Variants in UBE2D3 observed in about 807,000 individuals in gnomAD.
The protein encoded by UBE2D3 is ubiquitin-conjugating enzyme E2 D3.
In UBE2D3, 2 loss-of-function variants were observed where a neutral mutation model predicts 22.8. That is an observed-to-expected ratio of 0.09 (90% CI 0.04 to 0.28). The LOEUF (loss-of-function observed/expected upper bound fraction) is 0.28. Among genes scored for constraint, UBE2D3 ranks in the 10% least tolerant of loss-of-function variants. The probability of loss-of-function intolerance (pLI) is 1.00; values close to 1 mark genes in which losing one functional copy is unlikely to be tolerated. For missense variants in UBE2D3, 27 were observed against 182.5 expected, an observed-to-expected ratio of 0.15 and a Z score of 4.91; for synonymous variants, 56 against 60.4, an observed-to-expected ratio of 0.93 and a Z score of 0.34.
At chr4:102,863,247 C>T (rs917218175) in intron 1 of UBE2D3, among the ~76,000 whole-genome samples, 20 of 152,122 alleles carry the variant, frequency 1.3e-4, no homozygotes, top group African/African-American at 4.6e-4. Flanking sequence ...GATGGGGTTT[C>T]ACTATGTTGG....
At chr4:102,830,128 A>G (rs1262116662), upstream of UBE2D3, among the ~76,000 whole-genome samples, 1 of 152,252 alleles carries the variant, frequency 6.6e-6, no homozygotes, top group Non-Finnish European at 1.5e-5. Context: ...TTAAAATCAA[A>G]AGAAACATAG....
chr4:102,861,757 T>C (rs952427651), intron 1 of UBE2D3, among the ~76,000 whole-genome samples: 1 of 152,100 alleles, frequency 6.6e-6, no homozygotes, highest in Non-Finnish European at 1.5e-5. Context: ...TATGCACATA[T>C]GCATATACAA....
At chr4:102,848,808 G>C (rs1732179630) in intron 1 of UBE2D3, among the ~76,000 whole-genome samples, 1 of 151,926 alleles carries the variant, frequency 6.6e-6, no homozygotes, top group Non-Finnish European at 1.5e-5. Flanking sequence ...AATAGAGTGA[G>C]ACCTTGTCTC....
intron 1 of UBE2D3, among the ~76,000 whole-genome samples, chr4:102,851,509 A>C (rs1732347087): frequency 6.6e-6 from 1 of 152,232 alleles, no homozygotes; most frequent in Admixed American, 6.5e-5. Context: ...TGCATGTGTA[A>C]TGCAGAAGTA....
rs1184437574 is a variant in UBE2D3 at position 102,795,958 on chromosome 4, T to C, written c.*1457A>G. The C allele has an allele frequency of 2.0e-5, 3 of 152,482 alleles. No homozygotes were observed. Among genetic ancestry groups the C allele is most frequent in the Non-Finnish European group, 4.4e-5 (3 of 67,928 alleles). The allele number at this position is 152,482 out of a possible 1,614,324, so 9.4% of individuals were successfully genotyped here. On this transcript the variant is annotated 3_prime_UTR_variant, in exon 8 of 8. Coordinates refer to ENST00000453744, the MANE Select transcript of UBE2D3 (RefSeq NM_181891.3). ...GTTAAATCAGTGGCACAGATAGCAC[T>C]TGTCAAACAAAAAACAATCCAATAG...
chr4:102,813,374 A>G (rs1160189104), intron 2 of UBE2D3, among the ~76,000 whole-genome samples: 1 of 152,224 alleles, frequency 6.6e-6, no homozygotes, highest in East Asian at 1.9e-4. Flanking sequence ...ATAAATGTAC[A>G]TTTTTAATTG....
intron 1 of UBE2D3, among the ~76,000 whole-genome samples, chr4:102,835,008 C>A (rs1173426139): frequency 6.6e-6 from 1 of 152,148 alleles, no homozygotes; most frequent in East Asian, 1.9e-4. Context: ...CCCACTCTCT[C>A]AGGATACCCT....
intron 4 of UBE2D3, among the ~76,000 whole-genome samples, chr4:102,805,527 C>T (rs1302238682): frequency 6.6e-6 from 1 of 151,044 alleles, no homozygotes; most frequent in East Asian, 1.9e-4. Flanking sequence ...GGTGCTGTCG[C>T]CCAGGCTGGA....
At chr4:102,817,970 T>C (rs1729018058) in intron 2 of UBE2D3, among the ~76,000 whole-genome samples, 1 of 152,182 alleles carries the variant, frequency 6.6e-6, no homozygotes, top group African/African-American at 2.4e-5. Flanking sequence ...CAATTGAAAT[T>C]TTCAGCTTAT....
chr4:102,821,803 TA>T (rs1729662803), intron 2 of UBE2D3, among the ~76,000 whole-genome samples: 1 of 152,140 alleles, frequency 6.6e-6, no homozygotes, highest in African/African-American at 2.4e-5. Context: ...AAAATTTTTT[TA>T]AAAACTCCAA....
intron 4 of UBE2D3, among the ~76,000 whole-genome samples, chr4:102,805,038 T>C (rs1489999278): frequency 6.6e-6 from 1 of 152,204 alleles, no homozygotes; most frequent in African/African-American, 2.4e-5. Context: ...TAAGCTTTCA[T>C]TTCAATTTTC....
At chr4:102,865,928 T>C (rs918555885) in intron 1 of UBE2D3, among the ~76,000 whole-genome samples, 3 of 152,216 alleles carry the variant, frequency 2.0e-5, no homozygotes, top group Admixed American at 2.0e-4. Context: ...TCTTTATGTC[T>C]TTTAAAGATG....
At chr4:102,827,241 G>C (rs1460082774) in intron 1 of UBE2D3, 186 bp downstream of exon 1, 6 of 973,572 alleles carry the variant, frequency 6.2e-6, no homozygotes, top group Middle Eastern at 5.2e-4. Context: ...TTAGGCGCGA[G>C]GACGCGCCCA....
chr4:102,826,263 TGAA>T lies in UBE2D3; in HGVS notation c.24+219_24+221del, dbSNP rs1208713551. Among the ~76,000 whole-genome samples, 3 of 152,042 alleles carry T rather than the reference TGAA, an allele frequency of 2.0e-5. No homozygotes were observed. In the East Asian group the frequency reaches 5.8e-4, roughly 29 times the overall value. Reference sequence around the variant, plus strand: ...CACCCCTAATTTGCACCGATTCCACTGAAGCACTCAGGATAACACCTCACTTGC... The same window carrying T: ...CACCCCTAATTTGCACCGATTCCACTGCACTCAGGATAACACCTCACTTGC... On this transcript the variant is annotated intron_variant, in intron 2 of 7. Transcript: ENST00000453744.
chr4:102,834,609 C>T (rs1020527192), intron 1 of UBE2D3, among the ~76,000 whole-genome samples: 1 of 151,882 alleles, frequency 6.6e-6, no homozygotes, highest in African/African-American at 2.4e-5. Context: ...ATCAGCATGG[C>T]GTGGTGGTAT....
intron 1 of UBE2D3, chr4:102,827,055 CG>C: frequency 2.0e-6 from 2 of 989,844 alleles, no homozygotes; most frequent in Non-Finnish European, 2.4e-6. Flanking sequence ...AAGGTGCGGC[CG>C]GGAAAAGGAA....
intron 1 of UBE2D3, among the ~76,000 whole-genome samples, chr4:102,862,296 A>G (rs1250141184): frequency 6.6e-6 from 1 of 151,980 alleles, no homozygotes; most frequent in Non-Finnish European, 1.5e-5. Flanking sequence ...AAAAAAGTTT[A>G]TCTCTTTAAA....
chr4:102,866,148 T>G (rs563728304), intron 1 of UBE2D3, among the ~76,000 whole-genome samples: 1 of 152,306 alleles, frequency 6.6e-6, no homozygotes, highest in Admixed American at 6.5e-5. Context: ...ATTTTTAAAT[T>G]GGTGGAGTTA....
intron 1 of UBE2D3, among the ~76,000 whole-genome samples, chr4:102,853,468 C>T (rs929215018): frequency 6.6e-6 from 1 of 151,958 alleles, no homozygotes; most frequent in African/African-American, 2.4e-5. Context: ...TAAGTTCTGG[C>T]ATTCATGTAG....
Sources: gnomAD v4.1 joint callset for allele counts (sites outside exome capture counted in the v4.1 genomes callset) on GRCh38, gnomAD v4.1.1 for gene constraint, MANE v1.5 for transcripts, NCBI Gene and HGNC (gene_info 2026-07-23, HGNC 2026-07-21) for gene names.